The following ELMOD1 variants were observed in gnomAD, a reference collection of about 807,000 sequenced individuals.
ELMOD1 encodes the protein ELMO domain-containing protein 1.
A neutral mutation model predicts 46.7 loss-of-function variants in ELMOD1; 21 were observed. The ratio of observed to expected loss-of-function variants is 0.45; its 90% CI spans 0.32 to 0.65. ELMOD1 has a LOEUF of 0.65. Among genes scored for constraint, ELMOD1 ranks in the 30% least tolerant of loss-of-function variants. The pLI is 0.04. For missense variants in ELMOD1, 348 were observed against 407.8 expected, an observed-to-expected ratio of 0.85 and a Z score of 1.26; for synonymous variants, 122 against 138.2, an observed-to-expected ratio of 0.88 and a Z score of 0.82.
At chr11:107,641,319 A>G (rs75363869) in intron 6 of ELMOD1, among the ~76,000 whole-genome samples, 1 of 57,280 alleles carries the variant, frequency 1.7e-5, no homozygotes, top group Non-Finnish European at 4.2e-5. Context: ...AAAAATAAGT[A>G]TATATATATA....
chr11:107,628,856 A>G (rs933710048), intron 2 of ELMOD1, among the ~76,000 whole-genome samples: 2 of 152,080 alleles, frequency 1.3e-5, no homozygotes, highest in African/African-American at 4.8e-5. Flanking sequence ...CTACCAATCA[A>G]TATCACTGTT....
chr11:107,621,855 C>T (rs1865955259), intron 2 of ELMOD1, among the ~76,000 whole-genome samples: 2 of 152,120 alleles, frequency 1.3e-5, no homozygotes, highest in Non-Finnish European at 2.9e-5. Flanking sequence ...GGTGAAACCC[C>T]ATCTCTACTA....
chr11:107,599,740 C>CAAAAA lies in ELMOD1; in HGVS notation c.-86+8338_-86+8342dup, dbSNP rs56992146. Among the ~76,000 whole-genome samples the CAAAAA allele has an allele frequency of 9.9e-5, 9 of 91,202 alleles. 1 individual carries two copies. Among genetic ancestry groups the CAAAAA allele is most frequent in the East Asian group, 3.3e-4 (1 of 3,010 alleles). The allele number at this position is 91,202 out of a possible 152,430, so 59.8% of individuals were successfully genotyped here. A position where few individuals can be genotyped will look rare whatever the true frequency, so the allele number is the denominator to read the frequency against. ...CAGGGCGACAGAGCGAGACCTGTCT[C>CAAAAA]AAAAAAAAAAAGAAAAAAAGAAAAG... On this transcript the variant is annotated intron_variant, in intron 1 of 11. Transcript: ENST00000265840.
At chr11:107,633,851 G>T (rs546597638) in intron 5 of ELMOD1, among the ~76,000 whole-genome samples, 29 of 152,144 alleles carry the variant, frequency 1.9e-4, no homozygotes, top group Middle Eastern at 6.8e-3. Flanking sequence ...TAGTGCTATG[G>T]TGCCCTTTCC....
intron 2 of ELMOD1, among the ~76,000 whole-genome samples, chr11:107,628,457 G>A (rs562781293): frequency 7.2e-4 from 109 of 152,144 alleles, no homozygotes; most frequent in African/African-American, 2.4e-3. Context: ...GAGCCACTGC[G>A]TCCAGCCCTG....
intron 11 of ELMOD1, among the ~76,000 whole-genome samples, chr11:107,660,419 G>A (rs764700200): frequency 6.6e-6 from 1 of 152,198 alleles, no homozygotes; most frequent in Non-Finnish European, 1.5e-5. Flanking sequence ...AAGCTCCACT[G>A]AACACACAGC....
At chr11:107,654,024 A>T (rs749698441) in intron 9 of ELMOD1, 148 bp from the exon 10 acceptor site, 3 of 679,292 alleles carry the variant, frequency 4.4e-6, no homozygotes, top group Non-Finnish European at 7.7e-6. Context: ...ACCTCCATAT[A>T]AATTGTACTG....
intron 11 of ELMOD1, among the ~76,000 whole-genome samples, chr11:107,659,659 GTGGGTGGATGGA>G (rs1866696763): frequency 7.8e-6 from 1 of 128,490 alleles, no homozygotes; most frequent in African/African-American, 3.1e-5. Flanking sequence ...GGGTGGGTGG[GTGGGTGGATGGA>G]TGGATGGATG....
chr11:107,664,711 T>C (rs1866810603), intron 11 of ELMOD1, among the ~76,000 whole-genome samples: 2 of 151,866 alleles, frequency 1.3e-5, no homozygotes, highest in African/African-American at 4.9e-5. Context: ...AAGTAGTCAC[T>C]GTCAGCCTTT....
intron 8 of ELMOD1, 98 bp from the exon 9 acceptor site, chr11:107,650,787 C>T (rs772201433): frequency 2.4e-5 from 20 of 846,674 alleles, no homozygotes; most frequent in Non-Finnish European, 3.4e-5. Context: ...TCTGGAATTA[C>T]TAAGGCTTTT....
intron 1 of ELMOD1, among the ~76,000 whole-genome samples, chr11:107,608,749 GA>G (rs1319968494): frequency 3.0e-4 from 45 of 152,318 alleles, no homozygotes; most frequent in Non-Finnish European, 5.7e-4. Flanking sequence ...GGAAAGGAGA[GA>G]GTTTATTTTT....
chr11:107,654,631 T>C, intron 10 of ELMOD1, among the ~76,000 whole-genome samples: 1 of 151,960 alleles, frequency 6.6e-6, no homozygotes, highest in Non-Finnish European at 1.5e-5. Context: ...TAGCCGGGCG[T>C]GTTGGCGGGC....
intron 6 of ELMOD1, among the ~76,000 whole-genome samples, chr11:107,644,497 CAG>C (rs1299314988): frequency 1.3e-5 from 2 of 151,478 alleles, no homozygotes; most frequent in Non-Finnish European, 2.9e-5. Flanking sequence ...TTTTTTGAGA[CAG>C]AGTCTCGCTC....
chr11:107,653,711 A>T (rs796225011), intron 9 of ELMOD1: 23 of 150,904 alleles, frequency 1.5e-4, no homozygotes, highest in African/African-American at 5.1e-4. Flanking sequence ...ATCGATGAAC[A>T]TTTATTTGGC....
intron 1 of ELMOD1, among the ~76,000 whole-genome samples, chr11:107,601,806 G>A (rs1865604190): frequency 6.6e-6 from 1 of 151,946 alleles, no homozygotes; most frequent in African/African-American, 2.4e-5. Context: ...AATATTTTCT[G>A]TATACATTCA....
chr11:107,615,328 C>T (rs1480778715), intron 1 of ELMOD1, among the ~76,000 whole-genome samples: 2 of 149,272 alleles, frequency 1.3e-5, no homozygotes, highest in South Asian at 2.1e-4. Flanking sequence ...CTCTGCCTCC[C>T]GGGTTCAAGC....
intron 1 of ELMOD1, among the ~76,000 whole-genome samples, chr11:107,614,788 T>G (rs1865833495): frequency 6.6e-6 from 1 of 152,200 alleles, no homozygotes; most frequent in Non-Finnish European, 1.5e-5. Context: ...TTCCTTATCT[T>G]GCCATCACTA....
chr11:107,657,338 G>A (rs867472306), intron 11 of ELMOD1, among the ~76,000 whole-genome samples: 13 of 152,130 alleles, frequency 8.5e-5, no homozygotes, highest in Non-Finnish European at 1.5e-4. Flanking sequence ...GAGCCCAGGA[G>A]TTTGAGACCA....
At chr11:107,651,809 T>C (rs1028457797) in intron 9 of ELMOD1, among the ~76,000 whole-genome samples, 2 of 152,076 alleles carry the variant, frequency 1.3e-5, no homozygotes, top group Non-Finnish European at 2.9e-5. Context: ...AAGACACGAG[T>C]CCTCCGCAGT....
Sources: allele counts gnomAD v4.1 joint callset (sites outside exome capture counted in the v4.1 genomes callset), GRCh38; gene constraint gnomAD v4.1.1; transcripts MANE v1.5; gene names NCBI Gene and HGNC (gene_info 2026-07-23, HGNC 2026-07-21).